The following NUP98 variants were observed in gnomAD, a reference collection of about 807,000 sequenced individuals.
NUP98 encodes the protein nucleoporin 98 and 96 precursor.
Under a neutral mutation model 191.9 loss-of-function variants are expected in NUP98, and 26 were observed. The ratio of observed to expected loss-of-function variants is 0.14; its 90% CI spans 0.10 to 0.19. The LOEUF is 0.19. NUP98 is among the 10% of genes least tolerant of loss of function. The probability of loss-of-function intolerance (pLI) is 1.00; values close to 1 mark genes in which losing one functional copy is unlikely to be tolerated. For synonymous variants in NUP98, 808 were observed against 778.4 expected, an observed-to-expected ratio of 1.04 and a Z score of -0.63; for missense variants, 1,941 against 2,178.8, an observed-to-expected ratio of 0.89 and a Z score of 2.17.
chr11:3,775,857 A>G, intron 5 of NUP98, 25 bp downstream of exon 5: 1 of 1,601,298 alleles, frequency 6.2e-7, no homozygotes. Flanking sequence ...AAAACATTCC[A>G]CAAAGATTGG....
At position 3,723,182 on chromosome 11, in the gene NUP98, A is replaced by ATT; in HGVS notation, c.2119_2120dup (p.Asn707LysfsTer59). 1 of 1,614,118 alleles carries ATT rather than the reference A, an allele frequency of 6.2e-7. No individual in the cohort carries two copies. Among genetic ancestry groups the ATT allele is most frequent in the Non-Finnish European group, 8.5e-7 (1 of 1,180,008 alleles). On this transcript the variant is annotated frameshift_variant, in exon 16 of 33. Transcript: ENST00000324932. LOFTEE classifies it high-confidence loss of function. Reference sequence around the variant, plus strand: ...CTGCTGGGTGCATATGGTAAGAATTATTTTCTATTTCTTCTCGGTCATCCT... The same window carrying ATT: ...CTGCTGGGTGCATATGGTAAGAATTATTTTTTCTATTTCTTCTCGGTCATCCT...
At chr11:3,770,715 C>CACATATGTGCATT in intron 7 of NUP98, among the ~76,000 whole-genome samples, 1 of 152,066 alleles carries the variant, frequency 6.6e-6, no homozygotes, top group East Asian at 1.9e-4. Flanking sequence ...AACTTTGTAT[C>CACATATGTGCATT]ACATATGTGC....
rs532161042 is a variant in NUP98, at chr11:3,797,344, G to C, written c.-29+56C>G. On this transcript the variant is annotated intron_variant, in intron 1 of 32. Transcript: ENST00000324932. Reference sequence around the variant, plus strand: ...AGACGCCCCGCGCGTCCGCCCGCCCGGAAGGGGGGAGAAACCTGCCGGTCT... The same window carrying C: ...AGACGCCCCGCGCGTCCGCCCGCCCCGAAGGGGGGAGAAACCTGCCGGTCT... 2.3e-5 allele frequency: 9 copies of C among 399,860 alleles called. No individual in the cohort carries two copies. The Admixed American group carries it at 3.5e-4, about 16-fold the overall frequency. The allele number at this position is 399,860 out of a possible 1,614,324, so 24.8% of individuals were successfully genotyped here. A position where few individuals can be genotyped will look rare whatever the true frequency, so the allele number is the denominator to read the frequency against.
At chr11:3,719,595 C>A (rs1344790104) in intron 17 of NUP98, 45 bp from the exon 18 acceptor site, 1 of 1,366,234 alleles carries the variant, frequency 7.3e-7, no homozygotes, top group Non-Finnish European at 9.9e-7. Context: ...TGTATGAAGG[C>A]AAATACCTAC....
At chr11:3,705,491 T>C (rs1470217455) in intron 21 of NUP98, 135 bp from the exon 22 acceptor site, 5 of 763,230 alleles carry the variant, frequency 6.6e-6, no homozygotes, top group African/African-American at 1.8e-5. Context: ...ATTTGTGTGA[T>C]GGATGGACCC....
At chr11:3,754,395 TAGCATGGATAGAGTG>T (rs2080884102) in intron 10 of NUP98, among the ~76,000 whole-genome samples, 1 of 152,072 alleles carries the variant, frequency 6.6e-6, no homozygotes, top group South Asian at 2.1e-4. Context: ...CACTGCACTC[TAGCATGGATAGAGTG>T]AGACTCTGTT....
At chr11:3,796,998 G>C (rs1415225668) in intron 1 of NUP98, among the ~76,000 whole-genome samples, 7 of 152,218 alleles carry the variant, frequency 4.6e-5, no homozygotes, top group Admixed American at 4.6e-4. Flanking sequence ...AGAAGCCAAG[G>C]CAAATAAAGC....
chr11:3,740,813 T>C (rs2080254619), intron 12 of NUP98, among the ~76,000 whole-genome samples: 1 of 149,850 alleles, frequency 6.7e-6, no homozygotes, highest in African/African-American at 2.4e-5. Flanking sequence ...AATATAAATA[T>C]ATATATATAT....
intron 31 of NUP98, among the ~76,000 whole-genome samples, chr11:3,677,979 T>TAC (rs35187001): frequency 0.47 from 70,934 of 150,630 alleles, 17,015 homozygotes; most frequent in Admixed American, 0.65. Context: ...TCTACTAAAA[T>TAC]ACACACACAC....
At position 3,701,751 on chromosome 11, in the gene NUP98, T is replaced by C. The variant is rs183000554; in HGVS notation, c.3512+712A>G. Among the ~76,000 whole-genome samples the C allele has an allele frequency of 4.0e-4, 60 of 151,558 alleles. No homozygotes were observed. In the East Asian group the frequency reaches 0.011, roughly 29 times the overall value. The stretch of plus-strand genomic sequence containing the variant: ...CCCAGGCTAGAGTGCAATGGCGCGA[T>C]CTCAGCTCACTGCAAGCTCCGCCTC... On this transcript the variant is annotated intron_variant, in intron 23 of 32. Transcript: ENST00000324932.
chr11:3,772,022 T>C, intron 6 of NUP98, 94 bp from the exon 7 acceptor site: 3 of 1,037,548 alleles, frequency 2.9e-6, no homozygotes, highest in Non-Finnish European at 1.4e-6. Context: ...TCAAGTTCTA[T>C]GTTCACATAG....
chr11:3,701,183 G>A (rs913728053), intron 23 of NUP98, among the ~76,000 whole-genome samples: 1 of 151,898 alleles, frequency 6.6e-6, no homozygotes, highest in African/African-American at 2.4e-5. Context: ...AAAGTCATGA[G>A]GCTAAGCTTC....
At chr11:3,775,710 C>T (rs1211709589) in intron 5 of NUP98, among the ~76,000 whole-genome samples, 172 bp downstream of exon 5, 3 of 152,236 alleles carry the variant, frequency 2.0e-5, no homozygotes, top group African/African-American at 4.8e-5. Flanking sequence ...TCTAGATTTA[C>T]ATTTCACAAG....
At chr11:3,755,788 C>G (rs61877602) in intron 10 of NUP98, among the ~76,000 whole-genome samples, 7,674 of 152,228 alleles carry the variant, frequency 0.05, 256 homozygotes, top group Middle Eastern at 0.099. Flanking sequence ...GATGGTGAAA[C>G]CCCATATCTA....
chr11:3,743,297 G>T (rs568088398), intron 12 of NUP98, among the ~76,000 whole-genome samples: 1 of 150,888 alleles, frequency 6.6e-6, no homozygotes, highest in South Asian at 2.1e-4. Flanking sequence ...GATTATAGGC[G>T]TGGGCCACCA....
chr11:3,763,969 G>C (rs1488801684), intron 8 of NUP98, among the ~76,000 whole-genome samples: 1 of 152,160 alleles, frequency 6.6e-6, no homozygotes, highest in African/African-American at 2.4e-5. Context: ...TTGCTGAATA[G>C]GGAATTCACT....
intron 1 of NUP98, among the ~76,000 whole-genome samples, chr11:3,793,935 C>T (rs904754178): frequency 2.6e-5 from 4 of 152,092 alleles, no homozygotes; most frequent in African/African-American, 9.7e-5. Context: ...CATCATTGCA[C>T]TCCAGCCGGG....
chr11:3,788,547 C>T (rs747411284), intron 1 of NUP98, among the ~76,000 whole-genome samples: 5 of 151,478 alleles, frequency 3.3e-5, no homozygotes, highest in East Asian at 2.0e-4. Context: ...GCCCAGATTG[C>T]GCCACTGCAC....
intron 4 of NUP98, among the ~76,000 whole-genome samples, chr11:3,776,788 G>T (rs276890): frequency 2.7e-5 from 2 of 74,842 alleles, no homozygotes; most frequent in African/African-American, 3.8e-5. Flanking sequence ...CACAGTGCCC[G>T]GCCCAAATAG....
Sources: gnomAD v4.1 joint callset for allele counts (sites outside exome capture counted in the v4.1 genomes callset) on GRCh38, gnomAD v4.1.1 for gene constraint, MANE v1.5 for transcripts, NCBI Gene and HGNC (gene_info 2026-07-23, HGNC 2026-07-21) for gene names.